The following SERPINB6 variants were observed in gnomAD, a reference collection of about 807,000 sequenced individuals.
The protein encoded by SERPINB6 is serpin B6.
In SERPINB6, 16 loss-of-function variants were observed where a neutral mutation model predicts 26.1. The observed-to-expected ratio is 0.61, with a 90% CI of 0.42 to 0.93. SERPINB6 has a LOEUF of 0.93. Ranked by LOEUF, SERPINB6 falls within the 40% of genes least tolerant of loss-of-function variation. The pLI is 0.00. For missense variants in SERPINB6, 420 were observed against 478.0 expected, an observed-to-expected ratio of 0.88 and a Z score of 1.13; for synonymous variants, 174 against 176.6, an observed-to-expected ratio of 0.99 and a Z score of 0.11.
At chr6:2,953,372 C>A (rs1028569545) in intron 4 of SERPINB6, among the ~76,000 whole-genome samples, 186 bp from the exon 5 acceptor site, 5 of 152,178 alleles carry the variant, frequency 3.3e-5, no homozygotes, top group African/African-American at 1.2e-4. Flanking sequence ...CGAAAAACAT[C>A]ATCAATTGAA....
At chr6:2,954,117 CAAAA>C (rs540686090) in intron 4 of SERPINB6, among the ~76,000 whole-genome samples, 3 of 67,812 alleles carry the variant, frequency 4.4e-5, no homozygotes, top group African/African-American at 5.4e-5. Flanking sequence ...GACCTTGTCT[CAAAA>C]AAAAAAAAAA....
intron 1 of SERPINB6, chr6:2,963,684 A>G (rs1179699635): frequency 6.6e-6 from 1 of 152,248 alleles, no homozygotes; most frequent in Non-Finnish European, 1.5e-5. Flanking sequence ...TACATCCCCC[A>G]CGCCATCACA....
chr6:2,954,309 C>T (rs1156415720), intron 4 of SERPINB6, among the ~76,000 whole-genome samples: 1 of 152,100 alleles, frequency 6.6e-6, no homozygotes, highest in Non-Finnish European at 1.5e-5. Flanking sequence ...CTAACCCCCT[C>T]CTCAAAATTA....
chr6:2,962,175 G>A (rs962170434), intron 1 of SERPINB6: 47 of 985,366 alleles, frequency 4.8e-5, no homozygotes, highest in East Asian at 1.1e-4. Context: ...CTGAAGACAC[G>A]CCCACTGGGG....
intron 5 of SERPINB6, 122 bp from the exon 6 acceptor site, chr6:2,949,191 G>A (rs974955867): frequency 3.0e-5 from 34 of 1,120,428 alleles, no homozygotes; most frequent in Non-Finnish European, 4.3e-5. Context: ...CCAGCTTCCA[G>A]AACACCCGGC....
At chr6:2,963,309 A>G (rs1337166701) in intron 1 of SERPINB6, 1 of 152,248 alleles carries the variant, frequency 6.6e-6, no homozygotes, top group Non-Finnish European at 1.5e-5. Context: ...CTAGGTCCAC[A>G]CTGAAAGACC....
chr6:2,966,553 C>G (rs1164799134), intron 1 of SERPINB6: 1 of 226,702 alleles, frequency 4.4e-6, no homozygotes, highest in Non-Finnish European at 7.3e-6. Flanking sequence ...GAGAGTGAAC[C>G]TACGGTGAAC....
intron 1 of SERPINB6, chr6:2,968,701 C>T (rs1420976988): frequency 1.6e-6 from 2 of 1,230,834 alleles, no homozygotes; most frequent in Non-Finnish European, 2.0e-6. Context: ...CCTAGACTTT[C>T]CAAACATTCC....
At chr6:2,962,001 C>G in intron 1 of SERPINB6, 1 of 985,070 alleles carries the variant, frequency 1.0e-6, no homozygotes, top group Non-Finnish European at 1.2e-6. Context: ...GCTGAGATTA[C>G]AGCCATGCAC....
chr6:2,954,857 AC>A, intron 3 of SERPINB6, 148 bp from the exon 4 acceptor site: 1 of 664,958 alleles, frequency 1.5e-6, no homozygotes, highest in African/African-American at 1.8e-5. Context: ...AACCTAAACT[AC>A]AACTTCCTAG....
rs1481487130 is a variant in SERPINB6, at chr6:2,967,435, TG to T, written c.-11+4097del. Reference sequence around the variant, plus strand: ...ATGCAATCACAACAAAAGCAAAAATTGACAAATAGGATCTAATTAAACTTAA... The same window carrying T: ...ATGCAATCACAACAAAAGCAAAAATTACAAATAGGATCTAATTAAACTTAA... On this transcript the variant is annotated intron_variant, in intron 1 of 6. Transcript: ENST00000380539. This position sits in a 1 kb window ranked among gnomAD's most constrained non-coding sequence, Gnocchi z 4.3. 1 of 154,554 alleles carries T rather than the reference TG, an allele frequency of 6.5e-6. No homozygotes were observed. Among genetic ancestry groups the T allele is most frequent in the East Asian group, 1.9e-4 (1 of 5,200 alleles). The allele number at this position is 154,554 out of a possible 1,614,324, so 9.6% of individuals were successfully genotyped here.
intron 1 of SERPINB6, chr6:2,963,352 A>G (rs1006166706): frequency 1.3e-5 from 2 of 152,178 alleles, no homozygotes; most frequent in African/African-American, 4.8e-5. Flanking sequence ...GAGAACACCT[A>G]CGTTTTATAA....
intron 3 of SERPINB6, chr6:2,955,212 A>AAT (rs1187162351): frequency 1.7e-5 from 6 of 358,406 alleles, no homozygotes; most frequent in Admixed American, 4.4e-5. Context: ...ACAAAAAAAA[A>AAT]AAAGCAAAAA....
intron 1 of SERPINB6, among the ~76,000 whole-genome samples, chr6:2,965,506 AAT>A (rs1044709477): frequency 5.4e-4 from 83 of 152,320 alleles, no homozygotes; most frequent in African/African-American, 1.9e-3. Flanking sequence ...GACATATTTT[AAT>A]ATGTCTAATT....
In SERPINB6 at chr6:2,948,995, G is replaced by C; in HGVS notation, c.648C>G (p.Thr216=). 6.2e-7 allele frequency: 1 copy of C among 1,614,114 alleles called. No individual in the cohort carries two copies. The highest frequency in any genetic ancestry group is 8.5e-7 in the Non-Finnish European group (1 of 1,180,012). ...CAACATATGGAAGCACCAAGATTTG[G>C]GTAAATATTTCTCCTATATAGGTCT... The part of the protein sequence containing the change: ...FKKTYIGEIF[T]QILVLPYVGK... The change falls in exon 6 of 7, where the codon ACC becomes ACG. Residue 216 remains threonine, a synonymous_variant. Coordinates refer to ENST00000380539, the MANE Select transcript of SERPINB6 (RefSeq NM_004568.6). The surrounding 1 kb of genome is among the most constrained non-coding windows in gnomAD (Gnocchi z 5.0).
At chr6:2,951,402 T>A (rs2244921) in intron 5 of SERPINB6, among the ~76,000 whole-genome samples, 88,374 of 138,880 alleles carry the variant, frequency 0.64, 28,432 homozygotes, top group East Asian at 0.8. Context: ...AAATAAAAAA[T>A]AAAAAAAAAA....
chr6:2,971,138 G>T, intron 1 of SERPINB6: 1 of 1,029,296 alleles, frequency 9.7e-7, no homozygotes, highest in Non-Finnish European at 1.2e-6. Context: ...GAGGCTCTGC[G>T]CCGCCCCCAT....
Position 2,948,375 on chromosome 6 carries a change from C to T in SERPINB6, c.1054G>A (p.Asp352Asn), listed in dbSNP as rs199684069. 4.4e-5 allele frequency: 71 copies of T among 1,614,114 alleles called. No individual in the cohort carries two copies. Among genetic ancestry groups the T allele is most frequent in the Middle Eastern group, 1.6e-4 (1 of 6,062 alleles). The part of the protein sequence containing the change: ...CARFVPRFCA[D>N]HPFLFFIQHS... ...TGGATGAAGAAAAGGAAGGGGTGGT[C>T]GGCGCAGAAGCGGGGGACGAATCTG... The change falls in exon 7 of 7, where the codon GAC becomes AAC. Residue 352 changes from aspartate (D) to asparagine (N), a missense_variant. Transcript: ENST00000380539. The surrounding 1 kb of genome is among the most constrained non-coding windows in gnomAD (Gnocchi z 5.0).
rs760322224 is a variant in SERPINB6, at chr6:2,949,067, A to C, written c.576T>G (p.Asn192Lys). The C allele has an allele frequency of 7.4e-6, 12 of 1,613,986 alleles. No homozygotes were observed. The highest frequency in any genetic ancestry group is 1.0e-5 in the Non-Finnish European group (12 of 1,180,006). Residue 192 changes from asparagine to lysine, a missense_variant and splice_region_variant, in exon 6 of 7, where the codon AAT (asparagine) becomes AAG (lysine). By Grantham distance (94) the Asn-to-Lys change is moderately conservative. Coordinates refer to ENST00000380539, the MANE Select transcript of SERPINB6 (RefSeq NM_004568.6). ...TEERLFKVSK[N>K]EEKPVQMMFK... ...ACATCATTTGCACAGGTTTCTCCTC[A>C]TTCTACAAAGAAAACAGATAAACAT...
Sources: gnomAD v4.1 joint callset for allele counts (sites outside exome capture counted in the v4.1 genomes callset) on GRCh38, gnomAD v4.1.1 for gene constraint, Gnocchi (gnomAD v3.1) non-coding constraint, MANE v1.5 for transcripts, NCBI Gene and HGNC (gene_info 2026-07-23, HGNC 2026-07-21) for gene names.